FHIT: variants seen among roughly 807,000 people sequenced by gnomAD.
FHIT encodes the protein bis(5'-adenosyl)-triphosphatase.
A neutral mutation model predicts 17.9 loss-of-function variants in FHIT; 19 were observed. The observed-to-expected ratio is 1.06, with a 90% CI of 0.74 to 1.56. The LOEUF (loss-of-function observed/expected upper bound fraction) is 1.56, where lower values mean the gene tolerates loss of function less well. FHIT is among the 40% of genes most tolerant of loss of function. The pLI is 0.00. For missense variants in FHIT, 248 were observed against 189.2 expected, an observed-to-expected ratio of 1.31 and a Z score of -1.82; for synonymous variants, 81 against 69.7, an observed-to-expected ratio of 1.16 and a Z score of -0.81.
intron 4 of FHIT, among the ~76,000 whole-genome samples, chr3:60,599,684 T>TAAAAA (rs5849379): frequency 2.1e-5 from 3 of 143,938 alleles, no homozygotes; most frequent in Non-Finnish European, 4.5e-5. Flanking sequence ...AAGGACAAGT[T>TAAAAA]AAAAAAAAAA....
At chr3:60,576,102 A>G (rs1559552820) in intron 4 of FHIT, among the ~76,000 whole-genome samples, 2 of 152,172 alleles carry the variant, frequency 1.3e-5, no homozygotes, top group African/African-American at 2.4e-5. Context: ...CAGGAGACGC[A>G]AGACAGAGAC....
chr3:61,122,657 A>C (rs2036492249), intron 2 of FHIT, among the ~76,000 whole-genome samples: 1 of 152,208 alleles, frequency 6.6e-6, no homozygotes, highest in Admixed American at 6.5e-5. Context: ...ACAAATTTAC[A>C]AGAAGAAAAC....
intron 4 of FHIT, among the ~76,000 whole-genome samples, chr3:60,581,602 A>C (rs985602366): frequency 3.3e-5 from 5 of 152,160 alleles, no homozygotes; most frequent in Admixed American, 3.3e-4. Flanking sequence ...TAATGAACTA[A>C]ACACAAAGAA....
intron 3 of FHIT, among the ~76,000 whole-genome samples, chr3:60,878,998 T>A (rs1553757257): frequency 3.9e-5 from 6 of 152,212 alleles, no homozygotes. Context: ...CCTTTGAGTA[T>A]ATACCCAGTA....
chr3:60,895,724 TTCTTTC>T (rs1447261683), intron 3 of FHIT, among the ~76,000 whole-genome samples: 1 of 127,020 alleles, frequency 7.9e-6, no homozygotes, highest in East Asian at 2.1e-4. Context: ...CTTTCTTTCT[TTCTTTC>T]TTTCTTCTTT....
At chr3:59,964,895 G>GC (rs1486859595) in intron 7 of FHIT, among the ~76,000 whole-genome samples, 8 of 152,008 alleles carry the variant, frequency 5.3e-5, no homozygotes, top group African/African-American at 1.9e-4. Context: ...CTTAAACTCA[G>GC]CATGATATCC....
intron 7 of FHIT, among the ~76,000 whole-genome samples, chr3:59,962,688 C>T (rs892833700): frequency 3.3e-5 from 5 of 152,104 alleles, no homozygotes; most frequent in Admixed American, 3.3e-4. Context: ...CTTTTCTAAC[C>T]TTGGAAGGAA....
At chr3:60,000,825 T>C (rs1174649936) in intron 7 of FHIT, among the ~76,000 whole-genome samples, 1 of 152,166 alleles carries the variant, frequency 6.6e-6, no homozygotes, top group Non-Finnish European at 1.5e-5. Context: ...TAAGTCCCAG[T>C]GTAACGGCTC....
intron 5 of FHIT, among the ~76,000 whole-genome samples, chr3:60,431,025 A>T (rs546717519): frequency 2.7e-4 from 41 of 152,080 alleles, no homozygotes; most frequent in Admixed American, 1.7e-3. Context: ...CAGCCTGGAC[A>T]ACATGGTGAA....
At chr3:61,118,076 C>T (rs1346752174) in intron 2 of FHIT, among the ~76,000 whole-genome samples, 1 of 152,128 alleles carries the variant, frequency 6.6e-6, no homozygotes, top group Non-Finnish European at 1.5e-5. Flanking sequence ...GGGGAAAAAA[C>T]ACTTTCAGTC....
At position 60,719,829 on chromosome 3, in the gene FHIT, C is replaced by T. The variant is rs60495246; in HGVS notation, c.-18+102090G>A. Among the ~76,000 whole-genome samples the T allele has an allele frequency of 9.8e-3, 1,490 of 152,234 alleles. 25 individuals carry two copies. Among genetic ancestry groups the T allele is most frequent in the African/African-American group, 0.034 (1,408 of 41,544 alleles). ...ATCCATCCTCAAGTCCTAAGGTCCA[C>T]GCAAATATCCTTACCTGTCTCTTTC... On this transcript the variant is annotated intron_variant, in intron 4 of 9. Transcript: ENST00000492590.
chr3:60,271,601 T>C (rs1706869514), intron 5 of FHIT, among the ~76,000 whole-genome samples: 2 of 152,174 alleles, frequency 1.3e-5, no homozygotes, highest in Non-Finnish European at 2.9e-5. Flanking sequence ...GCTGTCTCTA[T>C]GCACTATCAA....
chr3:60,368,278 A>G (rs1430896682), intron 5 of FHIT, among the ~76,000 whole-genome samples: 1 of 150,768 alleles, frequency 6.6e-6, no homozygotes. Flanking sequence ...ATGTTTATGC[A>G]TTTCTGTTAT....
chr3:60,968,023 C>T (rs2107521361), intron 3 of FHIT, among the ~76,000 whole-genome samples: 1 of 152,334 alleles, frequency 6.6e-6, no homozygotes, highest in East Asian at 1.9e-4. Flanking sequence ...AGTAAGAAAT[C>T]TGGTGAACAT....
At chr3:61,008,707 A>T (rs746418199) in intron 3 of FHIT, among the ~76,000 whole-genome samples, 9 of 152,146 alleles carry the variant, frequency 5.9e-5, no homozygotes, top group Non-Finnish European at 1.2e-4. Context: ...AGGGAGGGAC[A>T]TTATCTTTTC....
intron 8 of FHIT, among the ~76,000 whole-genome samples, chr3:59,866,008 C>T (rs1702630977): frequency 6.6e-6 from 1 of 152,164 alleles, no homozygotes; most frequent in Non-Finnish European, 1.5e-5. Context: ...ATATGGTTCT[C>T]CTGTTAAAGT....
chr3:60,829,000 T>C (rs182543527), intron 3 of FHIT, among the ~76,000 whole-genome samples: 1 of 152,356 alleles, frequency 6.6e-6, no homozygotes, highest in East Asian at 1.9e-4. Context: ...GATGGAATGA[T>C]GGCTTTCTTG....
At position 60,614,559 on chromosome 3, in the gene FHIT, G is replaced by A. The variant is rs80156460; in HGVS notation, c.-17-77580C>T. On this transcript the variant is annotated intron_variant, in intron 4 of 9. Coordinates refer to ENST00000492590, the MANE Select transcript of FHIT (RefSeq NM_002012.4). ...GCAGAGGTTGCAGTGAGACGAGATC[G>A]ATCACGTCATTGCACTCCAGCCTGG... Among the ~76,000 whole-genome samples the A allele has an allele frequency of 9.7e-3, 1,476 of 152,082 alleles. 19 individuals are homozygous for A. Among genetic ancestry groups the A allele is most frequent in the Non-Finnish European group, 0.016 (1,112 of 68,000 alleles).
intron 5 of FHIT, among the ~76,000 whole-genome samples, chr3:60,221,343 C>G (rs1324345416): frequency 6.6e-6 from 1 of 152,082 alleles, no homozygotes; most frequent in Non-Finnish European, 1.5e-5. Context: ...AACAGCAGTT[C>G]AGTACAACAG....
Sources: gnomAD v4.1 joint callset for allele counts (sites outside exome capture counted in the v4.1 genomes callset) on GRCh38, gnomAD v4.1.1 for gene constraint, MANE v1.5 for transcripts, NCBI Gene and HGNC (gene_info 2026-07-23, HGNC 2026-07-21) for gene names.